The following PRKD1 variants were observed in gnomAD, a reference collection of about 807,000 sequenced individuals.
PRKD1 encodes serine/threonine-protein kinase D1.
In PRKD1, 63 loss-of-function variants were observed where a neutral mutation model predicts 95.9. That is an observed-to-expected ratio of 0.66 (90% confidence interval 0.54 to 0.81). The LOEUF (loss-of-function observed/expected upper bound fraction) is 0.81, where lower values mean the gene tolerates loss of function less well. PRKD1 is among the 30% of genes least tolerant of loss of function. The pLI is 0.00. For synonymous variants in PRKD1, 425 were observed against 423.1 expected (o/e 1.00, Z -0.05); for missense variants, 1,048 against 1,165.3 (o/e 0.90, Z 1.47).
At chr14:29,600,584 G>A (rs570602253) in intron 13 of PRKD1, among the ~76,000 whole-genome samples, 14 of 152,240 alleles carry the variant, frequency 9.2e-5, no homozygotes, top group African/African-American at 3.4e-4. Flanking sequence ...AAAACCTGAG[G>A]ATGAGGAGGA....
At chr14:29,802,220 A>G (rs1316019591) in intron 1 of PRKD1, among the ~76,000 whole-genome samples, 1 of 152,224 alleles carries the variant, frequency 6.6e-6, no homozygotes, top group Non-Finnish European at 1.5e-5. Context: ...AAAACAAACA[A>G]GAATAAGTAA....
chr14:29,631,461 G>C (rs1457027873), intron 9 of PRKD1, among the ~76,000 whole-genome samples: 1 of 150,688 alleles, frequency 6.6e-6, no homozygotes, highest in Admixed American at 6.6e-5. Context: ...CAAGTGAATA[G>C]TTTAAGTGAG....
intron 1 of PRKD1, among the ~76,000 whole-genome samples, chr14:29,926,548 CAAACTT>C (rs1895303124): frequency 6.6e-6 from 1 of 152,182 alleles, no homozygotes; most frequent in Admixed American, 6.5e-5. Flanking sequence ...CCCACAGCCT[CAAACTT>C]AAGGACACAG....
In PRKD1 at chr14:29,611,746, CA is replaced by C. The variant is rs368153834; in HGVS notation, c.1906-11930del. ...GAATATTAAAAGTGTGAATTATTAC[CA>C]AAAAAAAAAAAAACAAACGCTGGAA... is the stretch of plus-strand genomic sequence containing the variant. On this transcript the variant is annotated intron_variant, in intron 13 of 17. Coordinates refer to ENST00000331968, the MANE Select transcript of PRKD1 (RefSeq NM_002742.3). Among the ~76,000 whole-genome samples the C allele has an allele frequency of 4.9e-3, 664 of 136,582 alleles. 5 individuals carry two copies. The highest frequency in any genetic ancestry group is 0.017 in the African/African-American group (609 of 35,944). 89.6% of individuals were successfully genotyped at this position (136,582 alleles called of 152,430 possible).
intron 4 of PRKD1, among the ~76,000 whole-genome samples, chr14:29,658,558 T>C (rs1282824585): frequency 6.6e-6 from 1 of 152,162 alleles, no homozygotes; most frequent in Non-Finnish European, 1.5e-5. Flanking sequence ...GACAGCTCTA[T>C]CTTTTCATCC....
At chr14:29,692,807 T>C (rs45625935) in intron 2 of PRKD1, among the ~76,000 whole-genome samples, 2 of 152,254 alleles carry the variant, frequency 1.3e-5, no homozygotes, top group East Asian at 3.9e-4. Flanking sequence ...GACTGATAAA[T>C]AAAAATTTTA....
chr14:29,670,377 T>C (rs1228400689), intron 2 of PRKD1, among the ~76,000 whole-genome samples: 1 of 152,116 alleles, frequency 6.6e-6, no homozygotes, highest in Non-Finnish European at 1.5e-5. Flanking sequence ...GAACACTTCA[T>C]CCAAGAGAGG....
chr14:29,813,229 TA>T (rs1385762546), intron 1 of PRKD1, among the ~76,000 whole-genome samples: 1 of 152,204 alleles, frequency 6.6e-6, no homozygotes, highest in Non-Finnish European at 1.5e-5. Flanking sequence ...TATCTTTATT[TA>T]TAAAAAGAGG....
intron 1 of PRKD1, among the ~76,000 whole-genome samples, chr14:29,730,206 A>G (rs1406986800): frequency 6.6e-6 from 1 of 152,138 alleles, no homozygotes; most frequent in Admixed American, 6.5e-5. Context: ...GCCAATAGGT[A>G]TATGAAAAAT....
intron 2 of PRKD1, among the ~76,000 whole-genome samples, chr14:29,718,508 T>A (rs540364802): frequency 2.0e-5 from 3 of 152,100 alleles, no homozygotes; most frequent in Non-Finnish European, 4.4e-5. Context: ...AATACACAGG[T>A]TTACTTGAAA....
At chr14:29,835,806 T>C (rs1404870974) in intron 1 of PRKD1, among the ~76,000 whole-genome samples, 1 of 151,976 alleles carries the variant, frequency 6.6e-6, no homozygotes, top group Non-Finnish European at 1.5e-5. Flanking sequence ...CCTGACCTCA[T>C]GATCCTCCCG....
chr14:29,730,454 G>C (rs1886376666), intron 1 of PRKD1, among the ~76,000 whole-genome samples: 1 of 152,082 alleles, frequency 6.6e-6, no homozygotes, highest in South Asian at 2.1e-4. Flanking sequence ...AAACAGTATG[G>C]AGGTTCTTCA....
chr14:29,874,638 C>T (rs562407044), intron 1 of PRKD1, among the ~76,000 whole-genome samples: 6 of 152,212 alleles, frequency 3.9e-5, no homozygotes, highest in South Asian at 2.1e-4. Context: ...ACATACACAA[C>T]GGAATACTAT....
intron 2 of PRKD1, among the ~76,000 whole-genome samples, chr14:29,669,365 T>A (rs1280056482): frequency 6.6e-6 from 1 of 152,178 alleles, no homozygotes; most frequent in Non-Finnish European, 1.5e-5. Flanking sequence ...GTCCACATGA[T>A]AACATGTCCC....
At chr14:29,889,142 G>A (rs74040612) in intron 1 of PRKD1, among the ~76,000 whole-genome samples, 1 of 152,258 alleles carries the variant, frequency 6.6e-6, no homozygotes, top group African/African-American at 2.4e-5. Context: ...ATAGGTATTT[G>A]GATATAAGCG....
chr14:29,600,073 C>T (rs190910519), intron 13 of PRKD1, among the ~76,000 whole-genome samples: 1 of 152,190 alleles, frequency 6.6e-6, no homozygotes, highest in Admixed American at 6.5e-5. Flanking sequence ...CAGTGAATTG[C>T]TAATTAGGTT....
At chr14:29,710,607 A>G (rs1404137033) in intron 2 of PRKD1, among the ~76,000 whole-genome samples, 1 of 152,108 alleles carries the variant, frequency 6.6e-6, no homozygotes, top group East Asian at 1.9e-4. Flanking sequence ...AAAATATAAC[A>G]ACAAAATGTA....
chr14:29,723,860 A>C (rs1886018316), intron 2 of PRKD1, among the ~76,000 whole-genome samples: 1 of 152,160 alleles, frequency 6.6e-6, no homozygotes, highest in Non-Finnish European at 1.5e-5. Flanking sequence ...CTGGGAAAGC[A>C]GGTAAGGAAA....
Position 29,753,344 on chromosome 14 carries a change from C to T in PRKD1, c.265-27670G>A, listed in dbSNP as rs142137114. Among the ~76,000 whole-genome samples, 270 of 152,176 alleles carry T rather than the reference C, an allele frequency of 1.8e-3. 1 individual carries two copies. The highest frequency in any genetic ancestry group is 3.2e-3 in the Non-Finnish European group (215 of 67,984). ...AAACTTAAGTAGCTGCTTATTTTCT[C>T]CACATTTTTGGTGCCCCAGTCCTTG... On this transcript the variant is annotated intron_variant, in intron 1 of 17. Transcript: ENST00000331968.
Sources: gnomAD v4.1 joint callset for allele counts (sites outside exome capture counted in the v4.1 genomes callset) on GRCh38, gnomAD v4.1.1 for gene constraint, MANE v1.5 for transcripts, NCBI Gene and HGNC (gene_info 2026-07-23, HGNC 2026-07-21) for gene names.